The following RALGDS variants were observed in gnomAD, a reference collection of about 807,000 sequenced individuals.
RALGDS encodes ral guanine nucleotide dissociation stimulator.
RALGDS carries 44 observed loss-of-function variants against 99.8 expected under a neutral mutation model. The observed-to-expected ratio is 0.44, with a 90% CI of 0.35 to 0.57. The LOEUF (loss-of-function observed/expected upper bound fraction) is 0.57. Among genes scored for constraint, RALGDS ranks in the 20% least tolerant of loss-of-function variants. The probability of loss-of-function intolerance (pLI) is 0.01; values close to 1 mark genes in which losing one functional copy is unlikely to be tolerated. For synonymous variants in RALGDS, 529 were observed against 505.0 expected, an observed-to-expected ratio of 1.05 and a Z score of -0.64; for missense variants, 1,022 against 1,203.1, an observed-to-expected ratio of 0.85 and a Z score of 2.23.
Position 133,101,998 on chromosome 9 carries a change from G to T in RALGDS, c.2151C>A (p.Ser717=), listed in dbSNP as rs773247714. 1.3e-6 allele frequency: 2 copies of T among 1,552,076 alleles called. No individual in the cohort carries two copies. The highest frequency in any genetic ancestry group is 2.7e-5 in the African/African-American group (2 of 73,098). The change falls in exon 15 of 18, where the codon TCC becomes TCA. Residue 717 remains serine (S), a synonymous_variant. Transcript: ENST00000372050. ...AGCTGATGTTGATCTCCTCCACGTC[G>T]GAGCTAGAGGAGCCGGCCGAGTGCA... ...LSVHSAGSSS[S]DVEEINISFV... is the part of the protein sequence containing the mutation.
At position 133,121,071 on chromosome 9, in the gene RALGDS, G is replaced by A; in HGVS notation, c.84C>T (p.Ser28=). The A allele has an allele frequency of 6.7e-7, 1 of 1,483,880 alleles. No homozygotes were observed. Among genetic ancestry groups the A allele is most frequent in the Non-Finnish European group, 8.9e-7 (1 of 1,123,380 alleles). 91.9% of individuals were successfully genotyped at this position (1,483,880 alleles called of 1,614,324 possible). The change falls in exon 1 of 18, where the codon AGC becomes AGT. Residue 28 remains serine, a synonymous_variant. Transcript: ENST00000372050. ...CCTCCAGGCGCACGGCGTCCCACAC[G>A]CTGCGGCTCCGCCGGGAGCCCGGAA... The part of the protein sequence containing the change: ...PLFPGSRRSR[S]VWDAVRLEVG...
chr9:133,148,873 C>T, intron 1 of RALGDS: 1 of 1,490,992 alleles, frequency 6.7e-7, no homozygotes, highest in African/African-American at 1.4e-5. Flanking sequence ...GTGGACGCGG[C>T]GCCGGGCTCC....
chr9:133,119,987 C>T (rs1006659052), intron 1 of RALGDS, among the ~76,000 whole-genome samples: 1 of 152,204 alleles, frequency 6.6e-6, no homozygotes, highest in South Asian at 2.1e-4. Context: ...CACGATGCCG[C>T]ACGGGGACTC....
chr9:133,117,283 C>G (rs145998281), intron 1 of RALGDS, among the ~76,000 whole-genome samples: 3 of 152,222 alleles, frequency 2.0e-5, no homozygotes, highest in Non-Finnish European at 4.4e-5. Flanking sequence ...GTCCATTTTA[C>G]AGATGAGGAA....
intron 1 of RALGDS, among the ~76,000 whole-genome samples, chr9:133,142,818 C>T (rs1832547036): frequency 6.6e-6 from 1 of 152,248 alleles, no homozygotes; most frequent in Non-Finnish European, 1.5e-5. Flanking sequence ...GCCTCCCAGC[C>T]CCGCCCTGCC....
chr9:133,133,898 C>G (rs1488668107), upstream of RALGDS, among the ~76,000 whole-genome samples: 5 of 152,238 alleles, frequency 3.3e-5, no homozygotes, highest in Non-Finnish European at 5.9e-5. Flanking sequence ...GCAGCTGTCG[C>G]TAGGAGCTGT....
chr9:133,128,928 G>A (rs1205098478), intron 1 of RALGDS, among the ~76,000 whole-genome samples: 4 of 152,202 alleles, frequency 2.6e-5, no homozygotes, highest in Non-Finnish European at 5.9e-5. Flanking sequence ...CCAAGCGTGT[G>A]CACACGGGCA....
chr9:133,147,742 A>G (rs889660177), intron 1 of RALGDS, among the ~76,000 whole-genome samples: 2 of 152,204 alleles, frequency 1.3e-5, no homozygotes, highest in Admixed American at 6.5e-5. Context: ...CCCAGAAAAC[A>G]AAACACACAC....
intron 1 of RALGDS, among the ~76,000 whole-genome samples, chr9:133,137,839 T>C (rs1832451470): frequency 6.7e-6 from 1 of 148,328 alleles, no homozygotes; most frequent in African/African-American, 2.5e-5. Context: ...CACAGGTAAG[T>C]AGAAGTTGCT....
Position 133,098,586 on chromosome 9 carries a change from C to T in RALGDS, c.*1G>A. The T allele has an allele frequency of 6.2e-7, 1 of 1,613,992 alleles. No individual in the cohort carries two copies. The highest frequency in any genetic ancestry group is 8.5e-7 in the Non-Finnish European group (1 of 1,179,998). Reference sequence around the variant, plus strand: ...GCCAGCCAGACCCTGGGAGGATGCCCTCAGAAGATGCCCTTGGCAATCTTG... The same window carrying T: ...GCCAGCCAGACCCTGGGAGGATGCCTTCAGAAGATGCCCTTGGCAATCTTG... On this transcript the variant is annotated 3_prime_UTR_variant, in exon 18 of 18. Transcript: ENST00000372050.
chr9:133,139,619 G>A (rs1377525487), intron 1 of RALGDS, among the ~76,000 whole-genome samples: 1 of 152,178 alleles, frequency 6.6e-6, no homozygotes, highest in African/African-American at 2.4e-5. Flanking sequence ...TGCGTGGCCT[G>A]GGCAACTTAC....
chr9:133,126,143 G>A (rs1434688827), upstream of RALGDS, among the ~76,000 whole-genome samples: 3 of 152,096 alleles, frequency 2.0e-5, no homozygotes, highest in African/African-American at 7.2e-5. Context: ...GGGTTCTTAT[G>A]AATCGGCATT....
At chr9:133,111,759 C>T (rs948862732) in intron 2 of RALGDS, among the ~76,000 whole-genome samples, 2 of 152,174 alleles carry the variant, frequency 1.3e-5, no homozygotes, top group African/African-American at 4.8e-5. Flanking sequence ...CTTGCAGAGA[C>T]CTAACAGCCT....
Position 133,101,723 on chromosome 9 carries a change from CG to C in RALGDS, c.2250del (p.Gly751AlafsTer69), listed in dbSNP as rs1830765376. On this transcript the variant is annotated frameshift_variant, in exon 16 of 18. Transcript: ENST00000372050. LOFTEE classifies it high-confidence loss of function. ...GTGCTGCTGGAGGCTGAGCTGATGC[CG>C]GAGGTCTCCGGGGATGACTGTGAGG... is the stretch of plus-strand genomic sequence containing the variant. ...ESASQSSPET[S>X]GISSASSSTS... 1 of 1,613,358 alleles carries C rather than the reference CG, an allele frequency of 6.2e-7. No individual in the cohort carries two copies. Among genetic ancestry groups the C allele is most frequent in the Non-Finnish European group, 8.5e-7 (1 of 1,179,686 alleles).
chr9:133,130,868 G>T (rs942663382), intron 1 of RALGDS: 2 of 1,328,240 alleles, frequency 1.5e-6, no homozygotes, highest in Non-Finnish European at 2.1e-6. Context: ...CTGACCTGGG[G>T]GCCAGAACAC....
rs750736945 is a variant in RALGDS at position 133,121,002 on chromosome 9, C to A, written c.153G>T (p.Thr51=). The A allele has an allele frequency of 6.0e-6, 9 of 1,496,446 alleles. No individual in the cohort carries two copies. The South Asian group carries it at 1.1e-4, about 19-fold the overall frequency. 92.7% of individuals were successfully genotyped at this position (1,496,446 alleles called of 1,614,324 possible). Residue 51 remains threonine (T), a synonymous_variant, in exon 1 of 18, where the codon ACG becomes ACT. Transcript: ENST00000372050. ...GGCGCGGCAGGTCGGGGTCTAGCTG[C>A]GTGAAGCTGTGCAGCACCACCGGGC... The part of the protein sequence containing the change: ...DSCPVVLHSF[T]QLDPDLPRPE...
chr9:133,125,389 C>G (rs1188613198), upstream of RALGDS, among the ~76,000 whole-genome samples: 4 of 152,080 alleles, frequency 2.6e-5, no homozygotes, highest in Admixed American at 6.5e-5. Context: ...GGTCTTTATG[C>G]CATTTTCTCT....
At chr9:133,111,839 T>C (rs774509030) in intron 2 of RALGDS, among the ~76,000 whole-genome samples, 4 of 152,056 alleles carry the variant, frequency 2.6e-5, no homozygotes, top group Non-Finnish European at 4.4e-5. Flanking sequence ...GGAGAAGGCA[T>C]GGAGGATGGT....
At chr9:133,103,938 G>T in intron 10 of RALGDS, 105 bp from the exon 11 acceptor site, 1 of 1,079,770 alleles carries the variant, frequency 9.3e-7, no homozygotes, top group Non-Finnish European at 1.4e-6. Flanking sequence ...ACCTCTGGGG[G>T]CCTCCTGGGG....
Sources: gnomAD v4.1 joint callset for allele counts (sites outside exome capture counted in the v4.1 genomes callset) on GRCh38, gnomAD v4.1.1 for gene constraint, MANE v1.5 for transcripts, NCBI Gene and HGNC (gene_info 2026-07-23, HGNC 2026-07-21) for gene names.